SPECC1L: variants seen among roughly 807,000 people sequenced by gnomAD.
SPECC1L encodes cytospin-A.
Under a neutral mutation model 116.8 loss-of-function variants are expected in SPECC1L, and 40 were observed. That is an observed-to-expected ratio of 0.34 (90% CI 0.27 to 0.45). The LOEUF (loss-of-function observed/expected upper bound fraction) is 0.45, where lower values mean the gene tolerates loss of function less well. Ranked by LOEUF, SPECC1L falls within the 20% of genes least tolerant of loss-of-function variation. The pLI is 1.00. For missense variants in SPECC1L, 1,110 were observed against 1,373.6 expected (o/e 0.81, Z 3.03); for synonymous variants, 504 against 500.6 (o/e 1.01, Z -0.09).
At chr22:24,389,534 G>A (rs1475884281) in intron 14 of SPECC1L, among the ~76,000 whole-genome samples, 41 of 150,086 alleles carry the variant, frequency 2.7e-4, no homozygotes, top group African/African-American at 9.5e-4. Flanking sequence ...TTTTTTTTTA[G>A]GGAAAGGATC....
intron 6 of SPECC1L, among the ~76,000 whole-genome samples, chr22:24,326,929 A>G (rs982804142): frequency 6.6e-6 from 1 of 152,144 alleles, no homozygotes; most frequent in Admixed American, 6.5e-5. Context: ...TCCACATATA[A>G]TTGTTGTAAA....
At chr22:24,379,203 C>T (rs1442080569) in intron 14 of SPECC1L, among the ~76,000 whole-genome samples, 2 of 151,278 alleles carry the variant, frequency 1.3e-5, no homozygotes, top group Non-Finnish European at 3.0e-5. Context: ...GTGAGATCTT[C>T]TCTCTATTAA....
At chr22:24,282,006 A>C (rs1316331895) in intron 2 of SPECC1L, among the ~76,000 whole-genome samples, 4 of 152,236 alleles carry the variant, frequency 2.6e-5, no homozygotes, top group Non-Finnish European at 5.9e-5. Context: ...TTTTAAGGAC[A>C]GCTTGGTAGG....
At chr22:24,398,322 T>C (rs2042405748) in intron 14 of SPECC1L, among the ~76,000 whole-genome samples, 2 of 152,172 alleles carry the variant, frequency 1.3e-5, no homozygotes, top group Non-Finnish European at 2.9e-5. Flanking sequence ...TTTTTTCCAT[T>C]GTGCATATGA....
chr22:24,410,850 A>G (rs1297949781), intron 14 of SPECC1L, among the ~76,000 whole-genome samples: 1 of 152,154 alleles, frequency 6.6e-6, no homozygotes, highest in Non-Finnish European at 1.5e-5. Flanking sequence ...TGCTTCAACA[A>G]CCAATGGAGA....
At chr22:24,329,330 G>A (rs1196804014) in intron 7 of SPECC1L, among the ~76,000 whole-genome samples, 5 of 152,292 alleles carry the variant, frequency 3.3e-5, no homozygotes, top group South Asian at 4.1e-4. Context: ...AGTGATACTC[G>A]ACCTGTAGAA....
chr22:24,405,327 G>C (rs1365757349), intron 14 of SPECC1L, among the ~76,000 whole-genome samples: 2 of 151,970 alleles, frequency 1.3e-5, no homozygotes, highest in Admixed American at 1.3e-4. Flanking sequence ...TCCATGTGCA[G>C]CAACACATGG....
chr22:24,411,030 C>CAA (rs58337803), intron 14 of SPECC1L, among the ~76,000 whole-genome samples: 3 of 150,076 alleles, frequency 2.0e-5, no homozygotes, highest in South Asian at 2.1e-4. Context: ...ACTGAAAATA[C>CAA]AAAAAAAAAT....
chr22:24,282,218 T>G (rs1233219245), intron 2 of SPECC1L, among the ~76,000 whole-genome samples: 1 of 152,202 alleles, frequency 6.6e-6, no homozygotes. Flanking sequence ...AAGAGCAGTT[T>G]AGGGAGGGTC....
intron 16 of SPECC1L, 119 bp downstream of exon 16, chr22:24,412,826 G>A: frequency 9.4e-7 from 1 of 1,062,428 alleles, no homozygotes; most frequent in East Asian, 2.5e-5. Flanking sequence ...GTAAAAGGCA[G>A]CTATGGGGTG....
chr22:24,360,096 G>A (rs1224698218), intron 11 of SPECC1L, among the ~76,000 whole-genome samples: 1 of 152,160 alleles, frequency 6.6e-6, no homozygotes, highest in Non-Finnish European at 1.5e-5. Context: ...AATGGATTAA[G>A]ACAAGAATAG....
chr22:24,321,613 C>A lies in SPECC1L; in HGVS notation c.633C>A (p.Ala211=). 1 of 1,614,168 alleles carries A rather than the reference C, an allele frequency of 6.2e-7. No individual in the cohort carries two copies. Among genetic ancestry groups the A allele is most frequent in the Non-Finnish European group, 8.5e-7 (1 of 1,180,032 alleles). The change falls in exon 5 of 17, where the codon GCC becomes GCA. Residue 211 remains alanine (A), a synonymous_variant. Coordinates refer to ENST00000314328, the MANE Select transcript of SPECC1L (RefSeq NM_015330.6). ...GAAATGAACTGCGAGACATGCGTGC[C>A]CAGCTGGGCATTAATGAGGATCATT... is the stretch of plus-strand genomic sequence containing the variant. ...HLRNELRDMR[A]QLGINEDHSE...
intron 14 of SPECC1L, among the ~76,000 whole-genome samples, chr22:24,405,083 A>T (rs934530): frequency 1.2e-4 from 19 of 152,144 alleles, no homozygotes; most frequent in Non-Finnish European, 2.2e-4. Context: ...ACAAATCCAC[A>T]CACTGGTGGC....
At chr22:24,275,127 G>T (rs1297960246) in intron 1 of SPECC1L, among the ~76,000 whole-genome samples, 1 of 152,220 alleles carries the variant, frequency 6.6e-6, no homozygotes, top group East Asian at 1.9e-4. Flanking sequence ...GACTTGTCTG[G>T]CACCCTGTGC....
chr22:24,356,990 C>A (rs2146600743), intron 11 of SPECC1L, among the ~76,000 whole-genome samples: 1 of 151,732 alleles, frequency 6.6e-6, no homozygotes, highest in Non-Finnish European at 1.5e-5. Context: ...TTATGACAAC[C>A]AAAAAATGCC....
chr22:24,280,829 C>T (rs993935836), intron 2 of SPECC1L, among the ~76,000 whole-genome samples: 1 of 152,096 alleles, frequency 6.6e-6, no homozygotes, highest in Non-Finnish European at 1.5e-5. Context: ...TCACGCTCTC[C>T]ACCCTACTCG....
rs1161813619 is a variant in SPECC1L at position 24,317,428 on chromosome 22, C to T, written c.308-3860C>T. ...CTCACCTCCCAGATGGGGCGCTGGC[C>T]GGGCGGGGGGCTGACCCCCCAACCT... is the stretch of plus-strand genomic sequence containing the variant. On this transcript the variant is annotated intron_variant, in intron 4 of 16. Coordinates refer to ENST00000314328, the MANE Select transcript of SPECC1L (RefSeq NM_015330.6). 1.9e-4 allele frequency among the ~76,000 whole-genome samples: 22 copies of T among 117,188 alleles called. 4 individuals carry two copies. The South Asian group carries it at 1.9e-3, about 10-fold the overall frequency. The allele number at this position is 117,188 out of a possible 152,430, so 76.9% of individuals were successfully genotyped here.
intron 3 of SPECC1L, among the ~76,000 whole-genome samples, chr22:24,308,283 C>T (rs1435547535): frequency 6.6e-6 from 1 of 152,146 alleles, no homozygotes; most frequent in African/African-American, 2.4e-5. Context: ...AATCTGTTTT[C>T]TGGCCCAGTA....
chr22:24,284,455 G>T (rs1490755990), intron 2 of SPECC1L, among the ~76,000 whole-genome samples: 1 of 151,196 alleles, frequency 6.6e-6, no homozygotes. Context: ...TTTATTTTGA[G>T]ACAGAGTCTT....
Sources: gnomAD v4.1 joint callset for allele counts (sites outside exome capture counted in the v4.1 genomes callset) on GRCh38, gnomAD v4.1.1 for gene constraint, MANE v1.5 for transcripts, NCBI Gene and HGNC (gene_info 2026-07-23, HGNC 2026-07-21) for gene names.